Variants in CSMD3 observed in about 807,000 individuals in gnomAD.
CSMD3 encodes CUB and Sushi multiple domains 3, also known as CUB and sushi domain-containing protein 3.
In CSMD3, 177 loss-of-function variants were observed where a neutral mutation model predicts 435.2. The ratio of observed to expected loss-of-function variants is 0.41; its 90% CI spans 0.36 to 0.46. The LOEUF (loss-of-function observed/expected upper bound fraction) is 0.46. CSMD3 is among the 20% of genes least tolerant of loss of function. The pLI is 0.34. For synonymous variants in CSMD3, 1,656 were observed against 1,520.5 expected (o/e 1.09, Z -2.07); for missense variants, 4,265 against 4,504.6 (o/e 0.95, Z 1.52).
Position 112,637,063 on chromosome 8 carries a change from G to A in CSMD3, c.3527-58C>T, listed in dbSNP as rs1184234028. On this transcript the variant is annotated intron_variant, in intron 21 of 70. Coordinates refer to ENST00000297405, the MANE Select transcript of CSMD3 (RefSeq NM_198123.2). ...GGAGGAAAGGACAAAGAAAATGATA[G>A]TGGTTACTTTTAAAGGTATATTCCT... is the stretch of plus-strand genomic sequence containing the variant. The A allele has an allele frequency of 1.9e-5, 25 of 1,347,992 alleles. 1 individual carries two copies. Among genetic ancestry groups the A allele is most frequent in the East Asian group, 1.8e-4 (8 of 43,496 alleles). 83.5% of individuals were successfully genotyped at this position (1,347,992 alleles called of 1,614,324 possible). A position where few individuals can be genotyped will look rare whatever the true frequency, so the allele number is the denominator to read the frequency against.
chr8:112,987,113 T>A (rs1162826431), intron 6 of CSMD3, among the ~76,000 whole-genome samples: 1 of 152,056 alleles, frequency 6.6e-6, no homozygotes, highest in Non-Finnish European at 1.5e-5. Context: ...CATATGCATA[T>A]TATTTGGTTT....
At position 113,093,166 on chromosome 8, in the gene CSMD3, C is replaced by T. The variant is rs368574750; in HGVS notation, c.917+5590G>A. Among the ~76,000 whole-genome samples, 22 of 151,994 alleles carry T rather than the reference C, an allele frequency of 1.4e-4. 1 individual carries two copies. In the South Asian group the frequency reaches 2.1e-3, roughly 14 times the overall value. ...TGTTATTTGAGCAAAGATATGTGTA[C>T]AGATAGAAACAAAGCAAGAGAGAAA... On this transcript the variant is annotated intron_variant, in intron 5 of 70. Transcript: ENST00000297405.
intron 23 of CSMD3, among the ~76,000 whole-genome samples, chr8:112,577,147 TATTA>T (rs1471665623): frequency 3.3e-5 from 5 of 152,094 alleles, no homozygotes; most frequent in Admixed American, 2.0e-4. Flanking sequence ...GAAAGGCAAG[TATTA>T]ATTAGGAAGC....
chr8:112,551,083 C>T (rs1443464501), intron 26 of CSMD3, among the ~76,000 whole-genome samples: 1 of 151,926 alleles, frequency 6.6e-6, no homozygotes, highest in Non-Finnish European at 1.5e-5. Flanking sequence ...AATATTACAT[C>T]ACCTTTGCAA....
chr8:112,890,403 C>G (rs1221631237), intron 10 of CSMD3, among the ~76,000 whole-genome samples: 2 of 151,584 alleles, frequency 1.3e-5, no homozygotes, highest in Non-Finnish European at 3.0e-5. Flanking sequence ...TTTTTCTTAA[C>G]CTATAATAGA....
chr8:113,096,636 A>G lies in CSMD3; in HGVS notation c.917+2120T>C, dbSNP rs951260968. ...AGTGAATTCACATTTCATCTAAAGT[A>G]AAAGACAGATGAATCTTGAGCCAGG... is the stretch of plus-strand genomic sequence containing the variant. On this transcript the variant is annotated intron_variant, in intron 5 of 70. Coordinates refer to ENST00000297405, the MANE Select transcript of CSMD3 (RefSeq NM_198123.2). 5.9e-5 allele frequency among the ~76,000 whole-genome samples: 9 copies of G among 152,016 alleles called. No homozygotes were observed. The East Asian group carries it at 1.4e-3, about 23-fold the overall frequency.
chr8:113,112,078 T>G (rs575265078), intron 4 of CSMD3, among the ~76,000 whole-genome samples: 1 of 152,218 alleles, frequency 6.6e-6, no homozygotes, highest in African/African-American at 2.4e-5. Context: ...TTTTCAAGAT[T>G]TTCATTTCAA....
chr8:112,340,943 A>G (rs1161087896), intron 42 of CSMD3, among the ~76,000 whole-genome samples: 1 of 152,092 alleles, frequency 6.6e-6, no homozygotes, highest in Non-Finnish European at 1.5e-5. Flanking sequence ...TACTCAAAAG[A>G]GATAAAAATC....
chr8:112,949,258 A>G (rs566744950), intron 8 of CSMD3, among the ~76,000 whole-genome samples: 1 of 152,172 alleles, frequency 6.6e-6, no homozygotes, highest in East Asian at 1.9e-4. Flanking sequence ...CGGATTTTGC[A>G]TGTTTTTACA....
At chr8:112,476,096 A>T (rs1469987894) in intron 31 of CSMD3, among the ~76,000 whole-genome samples, 2 of 151,846 alleles carry the variant, frequency 1.3e-5, no homozygotes, top group African/African-American at 4.8e-5. Context: ...CCCAGGCTGG[A>T]GTGCAATGAT....
chr8:112,927,117 AT>A lies in CSMD3; in HGVS notation c.1509-5367del, dbSNP rs1427428156. Among the ~76,000 whole-genome samples the A allele has an allele frequency of 2.0e-5, 3 of 152,286 alleles. No individual in the cohort carries two copies. In the East Asian group the frequency reaches 5.8e-4, roughly 29 times the overall value. On this transcript the variant is annotated intron_variant, in intron 9 of 70. Transcript: ENST00000297405. Reference sequence around the variant, plus strand: ...ATTTAATATCTTTAAAAGTCTAATTATTCTCTAAATGTCTTTAAACTAGCAA... The same window carrying A: ...ATTTAATATCTTTAAAAGTCTAATTATCTCTAAATGTCTTTAAACTAGCAA...
intron 1 of CSMD3, among the ~76,000 whole-genome samples, chr8:113,428,339 T>G (rs1387739947): frequency 6.6e-6 from 1 of 151,668 alleles, no homozygotes; most frequent in Admixed American, 6.6e-5. Flanking sequence ...CTCTTAAAAA[T>G]GAAGAGGTTT....
At chr8:113,312,749 C>T (rs1246193167) in intron 2 of CSMD3, 2 of 152,100 alleles carry the variant, frequency 1.3e-5, no homozygotes, top group Admixed American at 1.3e-4. Flanking sequence ...GTATTATTTG[C>T]ATTAACAAAA....
intron 3 of CSMD3, among the ~76,000 whole-genome samples, chr8:113,267,685 C>T (rs559802255): frequency 6.6e-6 from 1 of 151,234 alleles, no homozygotes; most frequent in Non-Finnish European, 1.5e-5. Context: ...GTTTGATAAC[C>T]GAGTAGGATG....
Position 113,143,879 on chromosome 8 carries a change from T to C in CSMD3, c.709+29843A>G, listed in dbSNP as rs148590615. Among the ~76,000 whole-genome samples the C allele has an allele frequency of 4.6e-3, 701 of 151,424 alleles. 5 individuals are homozygous for C. Among genetic ancestry groups the C allele is most frequent in the African/African-American group, 0.015 (613 of 41,460 alleles). Reference sequence around the variant, plus strand: ...GGAAAAGTTCTGTATCTTGATTATGTAAATATTAACATCCTGGATGGGATA... The same window carrying C: ...GGAAAAGTTCTGTATCTTGATTATGCAAATATTAACATCCTGGATGGGATA... On this transcript the variant is annotated intron_variant, in intron 4 of 70. Coordinates refer to ENST00000297405, the MANE Select transcript of CSMD3 (RefSeq NM_198123.2).
At chr8:112,468,234 ATTTT>A (rs771573736) in intron 32 of CSMD3, among the ~76,000 whole-genome samples, 7 of 93,696 alleles carry the variant, frequency 7.5e-5, no homozygotes, top group Non-Finnish European at 9.3e-5. Flanking sequence ...TGCCTAAAGT[ATTTT>A]TTTTTTTTTT....
intron 13 of CSMD3, among the ~76,000 whole-genome samples, chr8:112,747,554 T>C (rs1386753170): frequency 6.6e-6 from 1 of 152,138 alleles, no homozygotes. Flanking sequence ...TTAAAAAACA[T>C]AGTAAGTTTT....
At chr8:112,424,743 G>T (rs1477931374) in intron 32 of CSMD3, among the ~76,000 whole-genome samples, 1 of 152,074 alleles carries the variant, frequency 6.6e-6, no homozygotes, top group Non-Finnish European at 1.5e-5. Flanking sequence ...CTAGGCTGGA[G>T]TACAGTGGCG....
chr8:113,304,873 C>G (rs1429882964), intron 2 of CSMD3, among the ~76,000 whole-genome samples: 5 of 127,174 alleles, frequency 3.9e-5, no homozygotes, highest in Non-Finnish European at 8.3e-5. Flanking sequence ...ATGTAACTAA[C>G]CTGCACAATG....
Sources: allele counts gnomAD v4.1 joint callset (sites outside exome capture counted in the v4.1 genomes callset), GRCh38; gene constraint gnomAD v4.1.1; transcripts MANE v1.5; gene names NCBI Gene and HGNC (gene_info 2026-07-23, HGNC 2026-07-21).